FARS2: variants seen among roughly 807,000 people sequenced by gnomAD.
FARS2 encodes phenylalanine--tRNA ligase, mitochondrial.
FARS2 carries 40 observed loss-of-function variants against 46.4 expected under a neutral mutation model. The ratio of observed to expected loss-of-function variants is 0.86; its 90% CI spans 0.67 to 1.12. FARS2 has a LOEUF of 1.12. FARS2 is among the 50% of genes most tolerant of loss of function. FARS2 has a pLI of 0.00. For missense variants in FARS2, 513 were observed against 567.9 expected (o/e 0.90, Z 0.98); for synonymous variants, 234 against 214.9 (o/e 1.09, Z -0.78).
chr6:5,419,241 T>G (rs1762409188), intron 3 of FARS2, among the ~76,000 whole-genome samples: 2 of 152,188 alleles, frequency 1.3e-5, no homozygotes, highest in Non-Finnish European at 2.9e-5. Flanking sequence ...AACCAGAATT[T>G]TTATGAATTT....
intron 4 of FARS2, among the ~76,000 whole-genome samples, chr6:5,511,082 G>C (rs1369959012): frequency 6.6e-6 from 1 of 152,202 alleles, no homozygotes; most frequent in African/African-American, 2.4e-5. Context: ...GGAGAGGCCA[G>C]ATGGCACAAG....
Position 5,431,613 on chromosome 6 carries a change from G to A in FARS2, c.904+441G>A, listed in dbSNP as rs188913257. ...AAGTATTTTATAAATACACTAAAACGCAGTGTAAAAACACTTAGGCCCCTA... is the reference window on the plus strand; with the variant it reads ...AAGTATTTTATAAATACACTAAAACACAGTGTAAAAACACTTAGGCCCCTA... On this transcript the variant is annotated intron_variant, in intron 4 of 6. Coordinates refer to ENST00000274680, the MANE Select transcript of FARS2 (RefSeq NM_006567.5). The A allele has an allele frequency of 2.9e-4, 156 of 529,794 alleles. No homozygotes were observed. In the East Asian group the frequency reaches 7.9e-3, roughly 27 times the overall value. 32.8% of individuals were successfully genotyped at this position (529,794 alleles called of 1,614,324 possible).
At chr6:5,616,048 CA>C (rs1203605143) in intron 6 of FARS2, among the ~76,000 whole-genome samples, 2 of 120,022 alleles carry the variant, frequency 1.7e-5, no homozygotes, top group Non-Finnish European at 3.6e-5. Context: ...ACGAAACAAA[CA>C]AACAAAAAAA....
chr6:5,686,173 G>C (rs1757181919), intron 6 of FARS2, among the ~76,000 whole-genome samples: 1 of 151,904 alleles, frequency 6.6e-6, no homozygotes, highest in Non-Finnish European at 1.5e-5. Context: ...TGATATTGTG[G>C]ATGATAACAG....
At chr6:5,442,011 A>G (rs914488957) in intron 4 of FARS2, among the ~76,000 whole-genome samples, 2 of 152,152 alleles carry the variant, frequency 1.3e-5, no homozygotes, top group Non-Finnish European at 2.9e-5. Context: ...TGGGAGGATC[A>G]CTTGAGCCCA....
At chr6:5,431,265 C>G in intron 4 of FARS2, 93 bp downstream of exon 4, 1 of 1,282,426 alleles carries the variant, frequency 7.8e-7, no homozygotes, top group Non-Finnish European at 1.1e-6. Context: ...TATTTACATA[C>G]TTCTATGCGG....
At chr6:5,377,323 G>A (rs1561996036) in intron 2 of FARS2, among the ~76,000 whole-genome samples, 1 of 152,224 alleles carries the variant, frequency 6.6e-6, no homozygotes, top group Non-Finnish European at 1.5e-5. Context: ...AGTTGCGTGA[G>A]AGACAGGCAT....
At chr6:5,760,208 G>A (rs966066667) in intron 6 of FARS2, among the ~76,000 whole-genome samples, 7 of 152,106 alleles carry the variant, frequency 4.6e-5, no homozygotes, top group Non-Finnish European at 7.4e-5. Context: ...TCCATTAGTC[G>A]CTGAAGAAAT....
intron 1 of FARS2, among the ~76,000 whole-genome samples, chr6:5,296,254 G>T (rs1767865674): frequency 7.1e-6 from 1 of 140,316 alleles, no homozygotes; most frequent in African/African-American, 2.7e-5. Flanking sequence ...CCATTCTCCT[G>T]CCTCAGCCTC....
chr6:5,490,703 T>C (rs986919446), intron 4 of FARS2, among the ~76,000 whole-genome samples: 2 of 152,216 alleles, frequency 1.3e-5, no homozygotes, highest in African/African-American at 4.8e-5. Context: ...TATGCTCTCT[T>C]GAATCATTTG....
At chr6:5,466,882 TTGAACCCA>T (rs1353072669) in intron 4 of FARS2, 2 of 985,304 alleles carry the variant, frequency 2.0e-6, no homozygotes, top group African/African-American at 3.5e-5. Context: ...TATGGATTCC[TTGAACCCA>T]TGAGCACATG....
chr6:5,489,377 C>A (rs1561657739), intron 4 of FARS2, among the ~76,000 whole-genome samples: 1 of 152,168 alleles, frequency 6.6e-6, no homozygotes, highest in African/African-American at 2.4e-5. Flanking sequence ...TCACTTGAAC[C>A]TGGGAGGCAG....
At chr6:5,602,470 A>G (rs1016892376) in intron 5 of FARS2, among the ~76,000 whole-genome samples, 2 of 151,880 alleles carry the variant, frequency 1.3e-5, no homozygotes, top group African/African-American at 4.8e-5. Flanking sequence ...AACATGGTAA[A>G]ACCCCATCTC....
chr6:5,401,349 C>T (rs1457226249), intron 2 of FARS2, among the ~76,000 whole-genome samples: 1 of 151,752 alleles, frequency 6.6e-6, no homozygotes, highest in Non-Finnish European at 1.5e-5. Context: ...TTTTAAAGTC[C>T]CTTATCCCTC....
chr6:5,380,441 C>A (rs1759680757), intron 2 of FARS2, among the ~76,000 whole-genome samples: 1 of 152,174 alleles, frequency 6.6e-6, no homozygotes, highest in African/African-American at 2.4e-5. Context: ...TGCTCTTTAA[C>A]AGTAAACTTC....
At chr6:5,339,251 A>G (rs952664912) in intron 1 of FARS2, among the ~76,000 whole-genome samples, 16 of 152,234 alleles carry the variant, frequency 1.1e-4, no homozygotes, top group Non-Finnish European at 1.6e-4. Flanking sequence ...TGTAACTGGG[A>G]AAGTGTTATC....
At chr6:5,541,307 G>A (rs1180927645) in intron 4 of FARS2, among the ~76,000 whole-genome samples, 1 of 152,144 alleles carries the variant, frequency 6.6e-6, no homozygotes, top group Non-Finnish European at 1.5e-5. Flanking sequence ...TTCAAGTGTA[G>A]TATGTTTGAA....
intron 1 of FARS2, among the ~76,000 whole-genome samples, chr6:5,353,734 T>TG (rs940254894): frequency 3.4e-5 from 5 of 145,048 alleles, no homozygotes; most frequent in African/African-American, 1.0e-4. Flanking sequence ...GTGTTTTTTT[T>TG]TTTTTTTTTT....
chr6:5,298,862 CAAAA>C (rs771852149), intron 1 of FARS2, among the ~76,000 whole-genome samples: 2 of 74,736 alleles, frequency 2.7e-5, no homozygotes, highest in Admixed American at 1.5e-4. Flanking sequence ...AACTCCATCT[CAAAA>C]AAAAAAAAAA....
Sources: allele counts gnomAD v4.1 joint callset (sites outside exome capture counted in the v4.1 genomes callset), GRCh38; gene constraint gnomAD v4.1.1; transcripts MANE v1.5; gene names NCBI Gene and HGNC (gene_info 2026-07-23, HGNC 2026-07-21).